Variants in RLN2 observed in about 807,000 individuals in gnomAD.
RLN2 encodes relaxin 2.
Under a neutral mutation model 7.3 loss-of-function variants are expected in RLN2, and 10 were observed. That is an observed-to-expected ratio of 1.36 (90% CI 0.84 to 2.31). The LOEUF is 2.31. RLN2 is among the 30% of genes most tolerant of loss of function. The probability of loss-of-function intolerance (pLI) is 0.00; values close to 1 mark genes in which losing one functional copy is unlikely to be tolerated. For missense variants in RLN2, 298 were observed against 217.6 expected (o/e 1.37, Z -2.32); for synonymous variants, 103 against 82.3 (o/e 1.25, Z -1.36).
At chr9:5,327,317 G>A in the RLN2 span, among the ~76,000 whole-genome samples, 10 of 151,974 alleles carry the variant, frequency 6.6e-5, no homozygotes, top group Non-Finnish European at 1.0e-4. Context: ...GAGATCGACC[G>A]GCTACGCAGC....
the RLN2 span, among the ~76,000 whole-genome samples, chr9:5,310,712 A>T: frequency 0.28 from 42,650 of 151,780 alleles, 7,754 homozygotes; most frequent in African/African-American, 0.52. Flanking sequence ...AATAACACTA[A>T]CTTACTTCAC....
Position 5,300,338 on chromosome 9 carries a change from C to G in RLN2, c.318G>C (p.Gln106His). The change falls in exon 2 of 2, where the codon CAG (glutamine) becomes CAC (histidine). Residue 106 changes from glutamine to histidine, a missense_variant. By Grantham distance (24) the Gln-to-His change is conservative. Coordinates refer to ENST00000381627, the MANE Select transcript of RLN2 (RefSeq NM_134441.3). Reference protein sequence around the residue: ...QELKLTLSEMQPALPQLQQHV... With the variant: ...QELKLTLSEMHPALPQLQQHV... Reference sequence around the variant, plus strand: ...GTTGTTGTAGCTGTGGTAATGCTGGCTGCATCTCAGACAGGGTTAACTTCA... The same window carrying G: ...GTTGTTGTAGCTGTGGTAATGCTGGGTGCATCTCAGACAGGGTTAACTTCA... 1 of 1,613,872 alleles carries G rather than the reference C, an allele frequency of 6.2e-7. No homozygotes were observed. Among genetic ancestry groups the G allele is most frequent in the Non-Finnish European group, 8.5e-7 (1 of 1,179,842 alleles).
the RLN2 span, among the ~76,000 whole-genome samples, chr9:5,319,145 C>A: frequency 6.6e-6 from 1 of 152,018 alleles, no homozygotes; most frequent in South Asian, 2.1e-4. Context: ...TCCTAAGGAA[C>A]TATAAACACG....
At chr9:5,321,115 ACC>A in the RLN2 span, among the ~76,000 whole-genome samples, 1 of 152,138 alleles carries the variant, frequency 6.6e-6, no homozygotes, top group Non-Finnish European at 1.5e-5. Flanking sequence ...CACAGTTTTA[ACC>A]AAAAGTTTAA....
the RLN2 span, among the ~76,000 whole-genome samples, chr9:5,332,519 G>A: frequency 6.6e-6 from 1 of 151,914 alleles, no homozygotes; most frequent in Non-Finnish European, 1.5e-5. Flanking sequence ...ACACATGGAA[G>A]GTGGCATTGG....
chr9:5,317,957 C>A, the RLN2 span, among the ~76,000 whole-genome samples: 1 of 151,106 alleles, frequency 6.6e-6, no homozygotes, highest in Admixed American at 6.6e-5. Context: ...ATCGTACGAC[C>A]CTTTTGGAAG....
At chr9:5,329,778 T>G in the RLN2 span, among the ~76,000 whole-genome samples, 1 of 151,754 alleles carries the variant, frequency 6.6e-6, no homozygotes, top group Non-Finnish European at 1.5e-5. Context: ...TAGAGACATA[T>G]AAAGAGACTT....
the RLN2 span, among the ~76,000 whole-genome samples, chr9:5,321,822 C>T: frequency 1.1e-4 from 16 of 152,026 alleles, no homozygotes; most frequent in South Asian, 2.1e-4. Context: ...ACTTACAGAG[C>T]ATAAAGATAC....
the RLN2 span, among the ~76,000 whole-genome samples, chr9:5,323,677 C>G: frequency 6.6e-6 from 1 of 151,910 alleles, no homozygotes; most frequent in African/African-American, 2.4e-5. Context: ...AATAGAATTT[C>G]CCTTACTTGT....
the RLN2 span, among the ~76,000 whole-genome samples, chr9:5,326,759 G>T: frequency 6.6e-6 from 1 of 152,046 alleles, no homozygotes; most frequent in Non-Finnish European, 1.5e-5. Context: ...GGAAAATTAA[G>T]TCCTTAATGT....
chr9:5,313,425 T>C, the RLN2 span, among the ~76,000 whole-genome samples: 1 of 152,048 alleles, frequency 6.6e-6, no homozygotes. Context: ...GAAGTATCTT[T>C]TTACAACCTT....
upstream of RLN2, among the ~76,000 whole-genome samples, chr9:5,306,101 TG>T (rs1816244413): frequency 1.4e-5 from 2 of 138,044 alleles, no homozygotes; most frequent in African/African-American, 6.0e-5. Flanking sequence ...TCTTTGTTTT[TG>T]TTTTTTGTTT....
chr9:5,311,705 G>A, the RLN2 span: 5 of 1,204,388 alleles, frequency 4.2e-6, no homozygotes, highest in Admixed American at 5.1e-5. Flanking sequence ...AGGTGCTGGA[G>A]ATGCCAAGTG....
At chr9:5,335,024 A>T in the RLN2 span, 5 of 403,308 alleles carry the variant, frequency 1.2e-5, no homozygotes, top group South Asian at 3.1e-4. Flanking sequence ...AAGAATCAAC[A>T]CAATTATACT....
intron 1 of RLN2, among the ~76,000 whole-genome samples, chr9:5,301,865 T>G (rs1369001463): frequency 2.6e-5 from 4 of 152,142 alleles, no homozygotes; most frequent in African/African-American, 9.7e-5. Context: ...ATTTCATCCT[T>G]CCTCCCAACA....
chr9:5,310,451 A>G, the RLN2 span, among the ~76,000 whole-genome samples: 1 of 151,970 alleles, frequency 6.6e-6, no homozygotes, highest in African/African-American at 2.4e-5. Context: ...TTCCTAGGAA[A>G]AAACTAACAT....
chr9:5,335,231 T>G, the RLN2 span: 1 of 1,465,810 alleles, frequency 6.8e-7, no homozygotes, highest in Non-Finnish European at 9.3e-7. Context: ...TTAGACAAGA[T>G]GTGCACAATT....
At chr9:5,306,109 G>GTTT (rs199949652), upstream of RLN2, among the ~76,000 whole-genome samples, 1 of 131,506 alleles carries the variant, frequency 7.6e-6, no homozygotes, top group African/African-American at 2.9e-5. Context: ...TTTGTTTTTT[G>GTTT]TTTTTTTTTT....
intron 1 of RLN2, chr9:5,304,107 CAAGGAACTCTCGGGTG>C: frequency 6.2e-6 from 2 of 321,834 alleles, no homozygotes; most frequent in Non-Finnish European, 1.1e-5. Flanking sequence ...GAAAGGGCAC[CAAGGAACTCTCGGGTG>C]AAGCAGCTTC....
Sources: allele counts gnomAD v4.1 joint callset (sites outside exome capture counted in the v4.1 genomes callset), GRCh38; gene constraint gnomAD v4.1.1; transcripts MANE v1.5; gene names NCBI Gene and HGNC (gene_info 2026-07-23, HGNC 2026-07-21).